Variants in PDS5B observed in about 807,000 individuals in gnomAD.
The protein encoded by PDS5B is PDS5 cohesin associated factor B.
In PDS5B, 51 loss-of-function variants were observed where a neutral mutation model predicts 184.1. The observed-to-expected ratio is 0.28, with a 90% CI of 0.22 to 0.35. PDS5B has a LOEUF of 0.35. Among genes scored for constraint, PDS5B ranks in the 10% least tolerant of loss-of-function variants. The pLI is 1.00. For missense variants in PDS5B, 1,180 were observed against 1,723.3 expected (o/e 0.68, Z 5.58); for synonymous variants, 566 against 569.2 (o/e 0.99, Z 0.08).
intron 31 of PDS5B, among the ~76,000 whole-genome samples, chr13:32,766,766 T>C (rs917429344): frequency 6.6e-6 from 1 of 152,148 alleles, no homozygotes; most frequent in Non-Finnish European, 1.5e-5. Context: ...CAATGCAAAA[T>C]GAAAAAGAAA....
intron 2 of PDS5B, chr13:32,649,915 A>G (rs1286628412): frequency 6.6e-6 from 1 of 152,138 alleles, no homozygotes; most frequent in African/African-American, 2.4e-5. Context: ...TATATATGAC[A>G]TGTTTCATTT....
chr13:32,771,872 G>T (rs772105197), intron 33 of PDS5B, among the ~76,000 whole-genome samples: 25 of 151,494 alleles, frequency 1.7e-4, no homozygotes, highest in Non-Finnish European at 3.2e-4. Context: ...AAAATTCAGG[G>T]TTTAAATGAT....
At chr13:32,604,225 C>T (rs1385543787) in intron 1 of PDS5B, among the ~76,000 whole-genome samples, 1 of 152,106 alleles carries the variant, frequency 6.6e-6, no homozygotes, top group Non-Finnish European at 1.5e-5. Flanking sequence ...TCATAAATAG[C>T]TCTTCTTATT....
rs138172393 is a variant in PDS5B, at chr13:32,658,216, C to T, written c.313-23C>T. 3.0e-4 allele frequency: 323 copies of T among 1,077,802 alleles called. 3 individuals carry two copies. In the East Asian group the frequency reaches 7.1e-3, roughly 24 times the overall value. The allele number at this position is 1,077,802 out of a possible 1,614,324, so 66.8% of individuals were successfully genotyped here. A position where few individuals can be genotyped will look rare whatever the true frequency, so the allele number is the denominator to read the frequency against. ...CATTTAGCGTTCATAATCTAAATGGCACTTTGTCTTTTTTTATTTAAGGAT... is the reference window on the plus strand; with the variant it reads ...CATTTAGCGTTCATAATCTAAATGGTACTTTGTCTTTTTTTATTTAAGGAT... On this transcript the variant is annotated intron_variant, in intron 3 of 34. Coordinates refer to ENST00000315596, the MANE Select transcript of PDS5B (RefSeq NM_015032.4).
At chr13:32,767,264 CTAAAAGT>C (rs946012059) in intron 31 of PDS5B, among the ~76,000 whole-genome samples, 1 of 152,072 alleles carries the variant, frequency 6.6e-6, no homozygotes. Flanking sequence ...CTTTAATGTG[CTAAAAGT>C]TTTGTCTATT....
At chr13:32,605,358 CAGTTTCCATGTAGTTG>C (rs2058043296) in intron 1 of PDS5B, among the ~76,000 whole-genome samples, 2 of 152,136 alleles carry the variant, frequency 1.3e-5, no homozygotes. Context: ...GCTGGTTGTT[CAGTTTCCATGTAGTTG>C]AGTGGTTTTG....
chr13:32,652,076 G>A (rs771692835), intron 3 of PDS5B, 69 bp downstream of exon 3: 5 of 1,031,316 alleles, frequency 4.8e-6, no homozygotes, highest in South Asian at 3.9e-5. Context: ...TAAAATGGGA[G>A]TTAAGGTATT....
chr13:32,643,706 G>A lies in PDS5B; in HGVS notation c.-19-5048G>A, dbSNP rs1255722218. Among the ~76,000 whole-genome samples, 9 of 152,274 alleles carry A rather than the reference G, an allele frequency of 5.9e-5. No homozygotes were observed. In the East Asian group the frequency reaches 1.7e-3, roughly 29 times the overall value. ...ATTCAGTACAGTAACATACTGTACA[G>A]GTTTGTAGCCTAGAAGCAATAGGCT... On this transcript the variant is annotated intron_variant, in intron 1 of 34. Transcript: ENST00000315596.
chr13:32,712,862 A>G (rs1217973474), intron 19 of PDS5B, among the ~76,000 whole-genome samples: 3 of 152,246 alleles, frequency 2.0e-5, no homozygotes, highest in East Asian at 1.9e-4. Context: ...AAGGAAAATC[A>G]TGAAGGAAAT....
Position 32,775,300 on chromosome 13 carries a change from A to G in PDS5B, c.*248A>G, listed in dbSNP as rs1954922999. 1 of 490,550 alleles carries G rather than the reference A, an allele frequency of 2.0e-6. No homozygotes were observed. Among genetic ancestry groups the G allele is most frequent in the Admixed American group, 3.7e-5 (1 of 27,072 alleles). 30.4% of individuals were successfully genotyped at this position (490,550 alleles called of 1,614,324 possible). The stretch of plus-strand genomic sequence containing the variant: ...ATGGCTATGTAGACATAAAGAAGAA[A>G]CTTGTAAATATCTTTTTTCTTTTTT... On this transcript the variant is annotated 3_prime_UTR_variant, in exon 35 of 35. Transcript: ENST00000315596.
At position 32,696,856 on chromosome 13, in the gene PDS5B, A is replaced by G. The variant is rs142410782; in HGVS notation, c.1554A>G (p.Thr518=). The G allele has an allele frequency of 4.7e-5, 75 of 1,597,968 alleles. No homozygotes were observed. The Middle Eastern group carries it at 2.8e-3, about 60-fold the overall frequency. The stretch of plus-strand genomic sequence containing the variant: ...GCATTTTTTTGTGTGATTTACAGAC[A>G]GATGCCAGTGTCAAGGCCATATTTT... ...DLLDLIKQPK[T]DASVKAIFSK... The change falls in exon 15 of 35, where the codon ACA becomes ACG. Residue 518 remains threonine (T), a splice_region_variant and synonymous_variant. Coordinates refer to ENST00000315596, the MANE Select transcript of PDS5B (RefSeq NM_015032.4).
At chr13:32,745,058 G>A (rs928579857) in intron 23 of PDS5B, among the ~76,000 whole-genome samples, 1 of 152,114 alleles carries the variant, frequency 6.6e-6, no homozygotes, top group African/African-American at 2.4e-5. Context: ...TTGTTTAGAT[G>A]TATTTACTAG....
intron 1 of PDS5B, among the ~76,000 whole-genome samples, chr13:32,621,583 T>C (rs2058302279): frequency 1.3e-5 from 2 of 152,234 alleles, no homozygotes; most frequent in African/African-American, 4.8e-5. Flanking sequence ...CTGATGTTTC[T>C]TTTTGGGAAG....
chr13:32,775,095 A>ATTTTTTTTTTTT lies in PDS5B; in HGVS notation c.*44_*45insTTTTTTTTTTTT. On this transcript the variant is annotated 3_prime_UTR_variant, in exon 35 of 35. Transcript: ENST00000315596. ...CTTTCTCTGTGAAAGCTTTGGAAAA[A>ATTTTTTTTTTTT]TCTTTTTTTTTTTTTTTGGTCAAGC... is the stretch of plus-strand genomic sequence containing the variant. The ATTTTTTTTTTTT allele has an allele frequency of 1.8e-6, 1 of 547,616 alleles. No homozygotes were observed. Among genetic ancestry groups the ATTTTTTTTTTTT allele is most frequent in the Non-Finnish European group, 2.6e-6 (1 of 388,736 alleles). The allele number at this position is 547,616 out of a possible 1,614,324, so 33.9% of individuals were successfully genotyped here. A position where few individuals can be genotyped will look rare whatever the true frequency, so the allele number is the denominator to read the frequency against.
intron 3 of PDS5B, among the ~76,000 whole-genome samples, chr13:32,655,453 A>G (rs1305588768): frequency 1.5e-4 from 22 of 142,084 alleles, no homozygotes; most frequent in African/African-American, 5.9e-4. Flanking sequence ...ATCTTGGCTC[A>G]CTGCAACCTC....
chr13:32,634,052 T>C (rs959413041), intron 1 of PDS5B, among the ~76,000 whole-genome samples: 3 of 152,200 alleles, frequency 2.0e-5, no homozygotes, highest in Admixed American at 6.5e-5. Context: ...AATACTCTTA[T>C]GTTATCTTCC....
At chr13:32,709,782 T>A (rs548614689) in intron 18 of PDS5B, among the ~76,000 whole-genome samples, 164 bp from the exon 19 acceptor site, 1 of 152,310 alleles carries the variant, frequency 6.6e-6, no homozygotes, top group South Asian at 2.1e-4. Context: ...TTCTGTTACA[T>A]AGTTGAGTAT....
chr13:32,703,984 G>A (rs1040682432), intron 17 of PDS5B, among the ~76,000 whole-genome samples: 1 of 151,910 alleles, frequency 6.6e-6, no homozygotes, highest in African/African-American at 2.4e-5. Flanking sequence ...TATAAAACAA[G>A]GCTGTTCACC....
chr13:32,753,067 C>A (rs1357886370), intron 24 of PDS5B, among the ~76,000 whole-genome samples: 1 of 152,012 alleles, frequency 6.6e-6, no homozygotes, highest in Non-Finnish European at 1.5e-5. Context: ...TAAGTTAGGG[C>A]AGATTTATAT....
Sources: allele counts gnomAD v4.1 joint callset (sites outside exome capture counted in the v4.1 genomes callset), GRCh38; gene constraint gnomAD v4.1.1; transcripts MANE v1.5; gene names NCBI Gene and HGNC (gene_info 2026-07-23, HGNC 2026-07-21).